RTTN: variants seen among roughly 807,000 people sequenced by gnomAD.
The protein encoded by RTTN is rotatin.
RTTN carries 182 observed loss-of-function variants against 269.2 expected under a neutral mutation model. The observed-to-expected ratio is 0.68, with a 90% CI of 0.60 to 0.76. RTTN has a LOEUF of 0.76. Ranked by LOEUF, RTTN falls within the 30% of genes least tolerant of loss-of-function variation. The probability of loss-of-function intolerance (pLI) is 0.00; values close to 1 mark genes in which losing one functional copy is unlikely to be tolerated. For synonymous variants in RTTN, 1,006 were observed against 963.5 expected (o/e 1.04, Z -0.82); for missense variants, 2,545 against 2,608.6 (o/e 0.98, Z 0.53).
chr18:70,160,745 A>G (rs950667360), intron 14 of RTTN, among the ~76,000 whole-genome samples: 1 of 152,164 alleles, frequency 6.6e-6, no homozygotes, highest in South Asian at 2.1e-4. Context: ...TCCAAGATAT[A>G]AAATCAATGT....
chr18:70,038,813 A>G (rs565357645), intron 40 of RTTN, among the ~76,000 whole-genome samples: 6 of 152,220 alleles, frequency 3.9e-5, no homozygotes, highest in Non-Finnish European at 8.8e-5. Context: ...GTGGTAGGGG[A>G]GCTCAAAAGA....
chr18:70,145,855 C>T (rs1050671598), intron 17 of RTTN, 72 bp from the exon 18 acceptor site: 21 of 1,170,908 alleles, frequency 1.8e-5, no homozygotes, highest in Non-Finnish European at 2.4e-5. Flanking sequence ...CTTGTAATTA[C>T]AAGTAATTAT....
At chr18:70,009,259 C>G (rs1332242764) in intron 46 of RTTN, among the ~76,000 whole-genome samples, 1 of 152,046 alleles carries the variant, frequency 6.6e-6, no homozygotes, top group African/African-American at 2.4e-5. Context: ...TCTCGGCCTC[C>G]TGAGTAGCTG....
intron 10 of RTTN, among the ~76,000 whole-genome samples, chr18:70,177,755 A>G (rs1000724723): frequency 1.3e-5 from 2 of 152,218 alleles, no homozygotes; most frequent in Non-Finnish European, 2.9e-5. Context: ...TACAGGGAAC[A>G]ACTAAAAGGT....
At chr18:70,064,081 T>C (rs2058066428) in intron 35 of RTTN, among the ~76,000 whole-genome samples, 1 of 151,522 alleles carries the variant, frequency 6.6e-6, no homozygotes, top group South Asian at 2.1e-4. Context: ...CTCATGTCTG[T>C]AATCCCAGCA....
chr18:70,005,262 T>A lies in RTTN; in HGVS notation c.6531A>T (p.Lys2177Asn). 6.2e-7 allele frequency: 1 copy of A among 1,612,354 alleles called. No individual in the cohort carries two copies. The highest frequency in any genetic ancestry group is 8.5e-7 in the Non-Finnish European group (1 of 1,178,922). ...TTACTGATGGGCTTTTCAAAGCTGT[T>A]TTTGCCTAGAACAATCCATTAATTA... ...WALIYNYQKA[K>N]TALKSPSVKR... Residue 2177 changes from lysine (K) to asparagine (N), a missense_variant, in exon 48 of 49, where the codon AAA (lysine) becomes AAT (asparagine). By Grantham distance (94) the Lys-to-Asn change is moderately conservative (BLOSUM62 0). Coordinates refer to ENST00000640769, the MANE Select transcript of RTTN (RefSeq NM_173630.4).
chr18:70,068,981 G>A (rs535661497), intron 34 of RTTN, among the ~76,000 whole-genome samples: 9 of 152,306 alleles, frequency 5.9e-5, no homozygotes, highest in African/African-American at 2.2e-4. Flanking sequence ...AACAGACTCA[G>A]ATTAGTGTAA....
intron 35 of RTTN, chr18:70,061,503 T>C (rs942720255): frequency 6.8e-6 from 3 of 442,764 alleles, no homozygotes; most frequent in Non-Finnish European, 1.4e-5. Context: ...TGTGTGTATA[T>C]ACGTATGCAT....
chr18:70,033,357 A>G (rs2057075412), intron 40 of RTTN, among the ~76,000 whole-genome samples: 2 of 152,210 alleles, frequency 1.3e-5, no homozygotes, highest in African/African-American at 4.8e-5. Context: ...AGAATGGTCT[A>G]ATACATATAC....
chr18:70,041,617 G>A (rs979345783), intron 40 of RTTN, among the ~76,000 whole-genome samples: 5 of 152,076 alleles, frequency 3.3e-5, no homozygotes, highest in African/African-American at 4.8e-5. Flanking sequence ...GATCCTGCCC[G>A]CCAGCCACCA....
At chr18:70,030,297 C>T (rs960161615) in intron 41 of RTTN, among the ~76,000 whole-genome samples, 188 bp from the exon 42 acceptor site, 1 of 152,210 alleles carries the variant, frequency 6.6e-6, no homozygotes, top group Non-Finnish European at 1.5e-5. Context: ...CTGAAGTCCA[C>T]TTGTTTTCAG....
chr18:70,090,344 A>G (rs2058810749), intron 30 of RTTN, among the ~76,000 whole-genome samples: 1 of 152,246 alleles, frequency 6.6e-6, no homozygotes, highest in Non-Finnish European at 1.5e-5. Context: ...AATTAGGCAC[A>G]GTAAGAGATT....
intron 34 of RTTN, among the ~76,000 whole-genome samples, chr18:70,072,926 AG>A (rs2058334706): frequency 6.6e-6 from 1 of 152,122 alleles, no homozygotes; most frequent in Non-Finnish European, 1.5e-5. Flanking sequence ...TTCCATACAA[AG>A]GTCCAATGTA....
chr18:70,147,559 G>A (rs76364301), intron 17 of RTTN, among the ~76,000 whole-genome samples: 2,517 of 152,238 alleles, frequency 0.017, 67 homozygotes, highest in African/African-American at 0.056. Flanking sequence ...TATAAGGTAC[G>A]CTATGAAGTT....
At chr18:70,100,013 G>A (rs150348159) in intron 28 of RTTN, among the ~76,000 whole-genome samples, 126,525 of 152,196 alleles carry the variant, frequency 0.83, 54,978 homozygotes, top group East Asian at 1. Flanking sequence ...GTCAGGTAGC[G>A]TGATGCCTCC....
chr18:70,055,464 A>G (rs779127148), intron 37 of RTTN, among the ~76,000 whole-genome samples: 2 of 151,956 alleles, frequency 1.3e-5, no homozygotes, highest in Admixed American at 1.3e-4. Context: ...GTTCTGCCCT[A>G]CTTCTCCTGA....
At chr18:70,083,428 T>C (rs1214357496) in intron 32 of RTTN, among the ~76,000 whole-genome samples, 3 of 152,092 alleles carry the variant, frequency 2.0e-5, no homozygotes, top group Admixed American at 1.3e-4. Context: ...GGGAGAAACA[T>C]TTTTTAAAAT....
intron 17 of RTTN, among the ~76,000 whole-genome samples, chr18:70,147,220 G>C (rs1237682761): frequency 6.6e-6 from 1 of 152,094 alleles, no homozygotes; most frequent in Non-Finnish European, 1.5e-5. Flanking sequence ...GCATAACAAT[G>C]TTACAGTCAA....
rs899457473 is a variant in RTTN, at chr18:70,099,934, G to A, written c.3904-7130C>T. ...CTGAGGGCTCTGTTCTGTTCCATTG[G>A]TCTATATCTCTGTTTTGGTACCAGT... is the stretch of plus-strand genomic sequence containing the variant. On this transcript the variant is annotated intron_variant, in intron 28 of 48. Coordinates refer to ENST00000640769, the MANE Select transcript of RTTN (RefSeq NM_173630.4). Among the ~76,000 whole-genome samples the A allele has an allele frequency of 5.0e-3, 755 of 152,226 alleles. 6 individuals are homozygous for A. Among genetic ancestry groups the A allele is most frequent in the Non-Finnish European group, 8.2e-3 (556 of 68,002 alleles).
Sources: gnomAD v4.1 joint callset for allele counts (sites outside exome capture counted in the v4.1 genomes callset) on GRCh38, gnomAD v4.1.1 for gene constraint, MANE v1.5 for transcripts, NCBI Gene and HGNC (gene_info 2026-07-23, HGNC 2026-07-21) for gene names.